The following ITGAV variants were observed in gnomAD, a reference collection of about 807,000 sequenced individuals.
ITGAV encodes integrin alpha-V.
In ITGAV, 76 loss-of-function variants were observed where a neutral mutation model predicts 143.8. The ratio of observed to expected loss-of-function variants is 0.53; its 90% CI spans 0.44 to 0.64. The LOEUF is 0.64. Among genes scored for constraint, ITGAV ranks in the 30% least tolerant of loss-of-function variants. ITGAV has a pLI of 0.00. For synonymous variants in ITGAV, 453 were observed against 446.7 expected (o/e 1.01, Z -0.18); for missense variants, 1,193 against 1,274.7 (o/e 0.94, Z 0.98).
intron 11 of ITGAV, 75 bp from the exon 12 acceptor site, chr2:186,641,311 T>TAAGAAAGAAAA: frequency 8.9e-7 from 1 of 1,126,822 alleles, no homozygotes; most frequent in Admixed American, 1.8e-5. Context: ...GAAAAGTGAG[T>TAAGAAAGAAAA]TGTAGTAAGA....
At chr2:186,617,712 G>GAT (rs1350931858) in intron 2 of ITGAV, among the ~76,000 whole-genome samples, 1 of 152,086 alleles carries the variant, frequency 6.6e-6, no homozygotes, top group Non-Finnish European at 1.5e-5. Context: ...TAAGATTTAA[G>GAT]TTATTTAAAT....
At chr2:186,660,539 T>G (rs1688716908) in intron 18 of ITGAV, 1 of 152,212 alleles carries the variant, frequency 6.6e-6, no homozygotes, top group South Asian at 2.1e-4. Context: ...GATGCTTCAT[T>G]TCACTGGTTA....
chr2:186,640,438 G>T (rs1368949645), intron 10 of ITGAV, among the ~76,000 whole-genome samples: 2 of 152,130 alleles, frequency 1.3e-5, no homozygotes, highest in Non-Finnish European at 1.5e-5. Context: ...ACACATAGGG[G>T]AGCCAATTAT....
intron 23 of ITGAV, 37 bp downstream of exon 23, chr2:186,667,267 T>C (rs765582050): frequency 2.7e-6 from 4 of 1,464,030 alleles, no homozygotes; most frequent in Non-Finnish European, 3.8e-6. Flanking sequence ...CTCATTCTCA[T>C]GATTGCTTTT....
chr2:186,633,252 A>G (rs1215006832), intron 5 of ITGAV, 77 bp from the exon 6 acceptor site: 3 of 833,708 alleles, frequency 3.6e-6, no homozygotes. Flanking sequence ...TATATATCTT[A>G]TGTTTTTCAT....
intron 2 of ITGAV, among the ~76,000 whole-genome samples, chr2:186,618,870 A>G (rs906416330): frequency 2.0e-5 from 3 of 152,156 alleles, no homozygotes; most frequent in Non-Finnish European, 2.9e-5. Flanking sequence ...TACAAATGGA[A>G]CTACCATATG....
In ITGAV at chr2:186,641,786, G is replaced by C. The variant is rs61765183; in HGVS notation, c.1159+198G>C. On this transcript the variant is annotated intron_variant, in intron 12 of 29. Transcript: ENST00000261023. ...AATCAGAGCAAAGATTTCAATAATG[G>C]ACTCTCATGAGTTATTATTCACTTG... 67 of 575,798 alleles carry C rather than the reference G, an allele frequency of 1.2e-4. No homozygotes were observed. The African/African-American group carries it at 1.2e-3, about 10-fold the overall frequency. The allele number at this position is 575,798 out of a possible 1,614,324, so 35.7% of individuals were successfully genotyped here.
chr2:186,670,015 G>T, intron 26 of ITGAV: 1 of 517,114 alleles, frequency 1.9e-6, no homozygotes, highest in Non-Finnish European at 3.4e-6. Context: ...TTTGTAGATG[G>T]CTAATAAAAC....
At chr2:186,646,557 T>G (rs992100204) in intron 12 of ITGAV, 129 bp from the exon 13 acceptor site, 6 of 595,328 alleles carry the variant, frequency 1.0e-5, no homozygotes, top group Non-Finnish European at 1.5e-5. Context: ...TAATTACAAG[T>G]ACTGAAACTT....
At chr2:186,637,168 A>T in intron 8 of ITGAV, 59 bp downstream of exon 8, 1 of 1,391,996 alleles carries the variant, frequency 7.2e-7, no homozygotes, top group South Asian at 1.2e-5. Flanking sequence ...TATTTGAAAC[A>T]TGTGGCATTG....
intron 13 of ITGAV, among the ~76,000 whole-genome samples, chr2:186,648,954 GTATATATATATACATT>G (rs1559058530): frequency 1.4e-5 from 2 of 145,260 alleles, no homozygotes; most frequent in African/African-American, 5.1e-5. Context: ...ACATTTGTGT[GTATATATATATACATT>G]TGTATATATA....
intron 18 of ITGAV, among the ~76,000 whole-genome samples, chr2:186,661,832 T>C (rs190219136): frequency 6.6e-6 from 1 of 152,220 alleles, no homozygotes; most frequent in East Asian, 1.9e-4. Context: ...CCTGACCTCG[T>C]GATCCACCCA....
In ITGAV at chr2:186,675,256, A is replaced by G. The variant is rs374603973; in HGVS notation, c.2707-348A>G. Among the ~76,000 whole-genome samples, 7 of 152,322 alleles carry G rather than the reference A, an allele frequency of 4.6e-5. No individual in the cohort carries two copies. In the East Asian group the frequency reaches 9.6e-4, roughly 21 times the overall value. On this transcript the variant is annotated intron_variant, in intron 26 of 29. Coordinates refer to ENST00000261023, the MANE Select transcript of ITGAV (RefSeq NM_002210.5). ...TGAGATCTGGTTATTATATCTTACA[A>G]ATATCACCATGTTATGGGTTTGCCT... is the stretch of plus-strand genomic sequence containing the variant.
intron 2 of ITGAV, among the ~76,000 whole-genome samples, chr2:186,608,743 C>T (rs1687135284): frequency 6.6e-6 from 1 of 151,934 alleles, no homozygotes; most frequent in African/African-American, 2.4e-5. Flanking sequence ...GGTGGGTTGC[C>T]TGTGTGTATG....
chr2:186,636,003 C>T, intron 6 of ITGAV, 79 bp from the exon 7 acceptor site: 1 of 1,203,008 alleles, frequency 8.3e-7, no homozygotes, highest in East Asian at 2.4e-5. Context: ...TGTTTTCCTT[C>T]ATGCAGGTAC....
intron 26 of ITGAV, chr2:186,670,033 T>C: frequency 4.1e-6 from 2 of 482,426 alleles, no homozygotes; most frequent in South Asian, 2.3e-5. Context: ...AACTAGTTTA[T>C]GTCCCAACTT....
intron 3 of ITGAV, among the ~76,000 whole-genome samples, chr2:186,624,377 G>C (rs187614552): frequency 1.3e-5 from 2 of 152,244 alleles, no homozygotes; most frequent in African/African-American, 4.8e-5. Context: ...GACTTTAAAG[G>C]ATGTGCCACA....
chr2:186,665,766 G>A (rs943503773), intron 21 of ITGAV, among the ~76,000 whole-genome samples: 33 of 152,320 alleles, frequency 2.2e-4, no homozygotes, highest in East Asian at 7.7e-4. Context: ...GGACAAAATG[G>A]CAGCATATGC....
In ITGAV at chr2:186,627,507, A is replaced by G. The variant is rs61763635; in HGVS notation, c.523+1920A>G. On this transcript the variant is annotated intron_variant, in intron 4 of 29. Coordinates refer to ENST00000261023, the MANE Select transcript of ITGAV (RefSeq NM_002210.5). ...TCTCCTGAAAACATGCGTTCTAACAATGATTCCCTTGTTCACAGAATGCTT... is the reference window on the plus strand; with the variant it reads ...TCTCCTGAAAACATGCGTTCTAACAGTGATTCCCTTGTTCACAGAATGCTT... Among the ~76,000 whole-genome samples the G allele has an allele frequency of 4.4e-3, 665 of 152,326 alleles. 3 individuals carry two copies. Among genetic ancestry groups the G allele is most frequent in the Middle Eastern group, 0.01 (3 of 294 alleles).
Sources: gnomAD v4.1 joint callset for allele counts (sites outside exome capture counted in the v4.1 genomes callset) on GRCh38, gnomAD v4.1.1 for gene constraint, MANE v1.5 for transcripts, NCBI Gene and HGNC (gene_info 2026-07-23, HGNC 2026-07-21) for gene names.